GIT2: variants seen among roughly 807,000 people sequenced by gnomAD.
GIT2 encodes GIT ArfGAP 2.
Under a neutral mutation model 100.3 loss-of-function variants are expected in GIT2, and 32 were observed. The ratio of observed to expected loss-of-function variants is 0.32; its 90% CI spans 0.24 to 0.43. The LOEUF is 0.43. GIT2 is among the 20% of genes least tolerant of loss of function. The pLI is 1.00. For missense variants in GIT2, 737 were observed against 975.1 expected (o/e 0.76, Z 3.25); for synonymous variants, 353 against 364.1 (o/e 0.97, Z 0.35).
At chr12:109,953,325 T>A in intron 12 of GIT2, 91 bp from the exon 13 acceptor site, 1 of 1,189,246 alleles carries the variant, frequency 8.4e-7, no homozygotes, top group Non-Finnish European at 1.2e-6. Context: ...TTTAGCCATT[T>A]AAAGGACTTA....
intron 3 of GIT2, 90 bp downstream of exon 3, chr12:109,989,600 T>C (rs1055541389): frequency 1.4e-6 from 1 of 726,724 alleles, no homozygotes; most frequent in Non-Finnish European, 2.4e-6. Flanking sequence ...TCTGCTGCCC[T>C]TGCGGAGACT....
chr12:109,968,233 C>T (rs1279870627), intron 7 of GIT2, among the ~76,000 whole-genome samples: 1 of 152,156 alleles, frequency 6.6e-6, no homozygotes, highest in Non-Finnish European at 1.5e-5. Flanking sequence ...TTTCCCAGCA[C>T]CTGTACTTTC....
At chr12:109,945,192 C>A in intron 16 of GIT2, 68 bp downstream of exon 16, 1 of 774,746 alleles carries the variant, frequency 1.3e-6, no homozygotes, top group Admixed American at 1.9e-5. Flanking sequence ...AGGGCCAGAG[C>A]CCAAGCACAA....
At chr12:109,956,999 C>A (rs1879668400) in intron 12 of GIT2, among the ~76,000 whole-genome samples, 1 of 149,472 alleles carries the variant, frequency 6.7e-6, no homozygotes, top group Admixed American at 6.7e-5. Context: ...GCCTGGGCGA[C>A]AGAGTGAGAC....
At chr12:109,941,202 C>T (rs1874583305) in intron 16 of GIT2, among the ~76,000 whole-genome samples, 1 of 152,198 alleles carries the variant, frequency 6.6e-6, no homozygotes, top group African/African-American at 2.4e-5. Flanking sequence ...TGAACTCGTG[C>T]ATCCTGAAGC....
rs761503922 is a variant in GIT2, at chr12:109,947,326, G to A, written c.1571C>T (p.Pro524Leu). Residue 524 changes from proline (P) to leucine (L), a missense_variant, in exon 15 of 20, where the codon CCA becomes CTA. Physicochemically the swap from Pro to Leu is moderately conservative, Grantham distance 98. Coordinates refer to ENST00000355312, the MANE Select transcript of GIT2 (RefSeq NM_057169.5). This position sits in a 1 kb window ranked among gnomAD's most constrained non-coding sequence, Gnocchi z 4.3. Reference protein sequence around the residue: ...SMYETGSGQKPYLPMGEASRP... With the variant: ...SMYETGSGQKLYLPMGEASRP... The stretch of plus-strand genomic sequence containing the variant: ...GCTCGCTTCTCCCATTGGGAGATAT[G>A]GTTTCTGACCTGATCCGGTCTCGTA... The A allele has an allele frequency of 4.3e-6, 7 of 1,614,088 alleles. No homozygotes were observed. In the South Asian group the frequency reaches 6.6e-5, roughly 15 times the overall value.
rs559851093 is a variant in GIT2, at chr12:109,962,750, G to A, written c.817-1065C>T. ...CTGAATCTGTTATATTCCCTATTGG[G>A]TTCCTTACATCCACACATGGTACCT... On this transcript the variant is annotated intron_variant, in intron 9 of 19. Coordinates refer to ENST00000355312, the MANE Select transcript of GIT2 (RefSeq NM_057169.5). The surrounding 1 kb of genome is among the most constrained non-coding windows in gnomAD (Gnocchi z 4.3). Among the ~76,000 whole-genome samples, 13 of 152,332 alleles carry A rather than the reference G, an allele frequency of 8.5e-5. No homozygotes were observed. In the South Asian group the frequency reaches 2.7e-3, roughly 32 times the overall value.
At chr12:109,936,043 G>A (rs1187742093) in intron 18 of GIT2, among the ~76,000 whole-genome samples, 1 of 152,206 alleles carries the variant, frequency 6.6e-6, no homozygotes, top group Non-Finnish European at 1.5e-5. Flanking sequence ...ACTTCAGGAA[G>A]GTCAGGGGCT....
intron 18 of GIT2, among the ~76,000 whole-genome samples, chr12:109,937,923 G>A (rs999285744): frequency 2.0e-5 from 3 of 152,068 alleles, no homozygotes; most frequent in Non-Finnish European, 4.4e-5. Flanking sequence ...GACTGGTCTC[G>A]AACTCCTGAC....
At chr12:109,945,388 A>T (rs1399089818) in intron 15 of GIT2, 39 bp from the exon 16 acceptor site, 1 of 1,021,276 alleles carries the variant, frequency 9.8e-7, no homozygotes, top group South Asian at 1.3e-5. Flanking sequence ...GAAAATACAA[A>T]ACAAACCAAA....
In GIT2 at chr12:109,988,983, T is replaced by C. The variant is rs1442272008; in HGVS notation, c.385A>G (p.Thr129Ala). ...RLPCRDDDSV[T>A]AKDLSKQLHS... ...CCCACCTTGCTAAGATCTTTGGCAG[T>C]CACACTATCGTCATCCCGGCAGGGC... The change falls in exon 4 of 20, where the codon ACT (threonine) becomes GCT (alanine). Residue 129 changes from threonine (T) to alanine (A), a missense_variant. Physicochemically the swap from Thr to Ala is moderately conservative, Grantham distance 58. Transcript: ENST00000355312. The C allele has an allele frequency of 6.2e-7, 1 of 1,604,860 alleles. No homozygotes were observed. Among genetic ancestry groups the C allele is most frequent in the Non-Finnish European group, 8.5e-7 (1 of 1,171,782 alleles).
intron 9 of GIT2, among the ~76,000 whole-genome samples, chr12:109,963,005 C>T (rs1881445057): frequency 1.4e-5 from 2 of 148,004 alleles, no homozygotes; most frequent in Non-Finnish European, 3.0e-5. Context: ...GACCTTGTCT[C>T]GAAAAAAAAA....
chr12:109,934,025 G>T lies in GIT2; in HGVS notation c.2064C>A (p.Pro688=). 1 of 1,528,978 alleles carries T rather than the reference G, an allele frequency of 6.5e-7. No individual in the cohort carries two copies. The highest frequency in any genetic ancestry group is 9.1e-7 in the Non-Finnish European group (1 of 1,102,506). 94.7% of individuals were successfully genotyped at this position (1,528,978 alleles called of 1,614,324 possible). ...VAVTEMAALF[P]KKPKSDMVRT... ...AAGTGAGTAGGAAGTGACTTACTTT[G>T]GGGAATAATGCTGCCATTTCTGTAA... The change falls in exon 19 of 20, where the codon CCC becomes CCA. Residue 688 remains proline, a synonymous_variant. Coordinates refer to ENST00000355312, the MANE Select transcript of GIT2 (RefSeq NM_057169.5). This position sits in a 1 kb window ranked among gnomAD's most constrained non-coding sequence, Gnocchi z 4.5.
At chr12:109,994,392 C>T (rs1888960933) in intron 1 of GIT2, among the ~76,000 whole-genome samples, 1 of 152,150 alleles carries the variant, frequency 6.6e-6, no homozygotes, top group Non-Finnish European at 1.5e-5. Context: ...TAGGTAAATT[C>T]GTTCACGTGC....
chr12:109,944,234 C>A (rs1875643496), intron 16 of GIT2, among the ~76,000 whole-genome samples: 1 of 152,168 alleles, frequency 6.6e-6, no homozygotes, highest in Non-Finnish European at 1.5e-5. Flanking sequence ...AATCCATATG[C>A]CACTGGAACT....
At position 109,947,256 on chromosome 12, in the gene GIT2, G is replaced by C; in HGVS notation, c.1641C>G (p.His547Gln). 1 of 1,612,062 alleles carries C rather than the reference G, an allele frequency of 6.2e-7. No individual in the cohort carries two copies. Among genetic ancestry groups the C allele is most frequent in the Non-Finnish European group, 8.5e-7 (1 of 1,178,578 alleles). The change falls in exon 15 of 20, where the codon CAC (histidine) becomes CAG (glutamine). Residue 547 changes from histidine to glutamine, a missense_variant and splice_region_variant. Transcript: ENST00000355312. This position sits in a 1 kb window ranked among gnomAD's most constrained non-coding sequence, Gnocchi z 4.3. ...CAGAAGCGCCAGTGGTGTTACTTAC[G>C]TGCGCGGGGAAGGGCTGGAGTCTCA... Reference protein sequence around the residue: ...SRMRLQPFPAHIGRSALVTSS... With the variant: ...SRMRLQPFPAQIGRSALVTSS...
At chr12:109,999,557 A>C (rs551309164), upstream of GIT2, 1 of 628,234 alleles carries the variant, frequency 1.6e-6, no homozygotes, top group South Asian at 5.4e-5. The surrounding 1 kb of genome is among the most constrained non-coding windows in gnomAD (Gnocchi z 4.3). Flanking sequence ...CGACCGGCTC[A>C]GCCGGCCGGC....
At chr12:109,989,664 A>G in intron 3 of GIT2, 26 bp downstream of exon 3, 1 of 1,209,596 alleles carries the variant, frequency 8.3e-7, no homozygotes, top group Non-Finnish European at 1.2e-6. Context: ...TGAAGAAATA[A>G]AAGTATTTAT....
At position 109,933,162 on chromosome 12, in the gene GIT2, G is replaced by C; in HGVS notation, c.2096C>G (p.Ser699Cys). The C allele has an allele frequency of 6.4e-7, 1 of 1,574,168 alleles. No homozygotes were observed. The highest frequency in any genetic ancestry group is 1.3e-5 in the African/African-American group (1 of 74,112). The change falls in exon 20 of 20, where the codon TCC becomes TGC. Residue 699 changes from serine to cysteine, a missense_variant. Ser to Cys is a moderately radical substitution (Grantham distance 112). Coordinates refer to ENST00000355312, the MANE Select transcript of GIT2 (RefSeq NM_057169.5). This position sits in a 1 kb window ranked among gnomAD's most constrained non-coding sequence, Gnocchi z 4.5. ...GGCACTGGACGTCAGTAAACGAAGG[G>C]AAGTCCTCACCATATCAGACTTGGG... ...KKPKSDMVRT[S>C]LRLLTSSAYR...
Sources: gnomAD v4.1 joint callset for allele counts (sites outside exome capture counted in the v4.1 genomes callset) on GRCh38, gnomAD v4.1.1 for gene constraint, Gnocchi (gnomAD v3.1) non-coding constraint, MANE v1.5 for transcripts, NCBI Gene and HGNC (gene_info 2026-07-23, HGNC 2026-07-21) for gene names.